Variants in PRKAG2 observed in about 807,000 individuals in gnomAD.
PRKAG2 encodes 5'-AMP-activated protein kinase subunit gamma-2.
In PRKAG2, 26 loss-of-function variants were observed where a neutral mutation model predicts 69.6. The ratio of observed to expected loss-of-function variants is 0.37; its 90% CI spans 0.27 to 0.52. The LOEUF is 0.52. Ranked by LOEUF, PRKAG2 falls within the 20% of genes least tolerant of loss-of-function variation. The pLI, the probability that PRKAG2 is intolerant of heterozygous loss-of-function variation, is 0.90. For synonymous variants in PRKAG2, 293 were observed against 285.0 expected (o/e 1.03, Z -0.28); for missense variants, 557 against 740.0 (o/e 0.75, Z 2.87).
chr7:151,718,613 A>AC (rs2151631973), intron 3 of PRKAG2, among the ~76,000 whole-genome samples: 1 of 85,204 alleles, frequency 1.2e-5, no homozygotes, highest in African/African-American at 1.1e-4. Context: ...CCCAGGATGC[A>AC]AAAAAAAAAA....
At chr7:151,818,482 C>T (rs1251019206) in intron 1 of PRKAG2, among the ~76,000 whole-genome samples, 3 of 152,256 alleles carry the variant, frequency 2.0e-5, no homozygotes, top group Non-Finnish European at 4.4e-5. Context: ...CCACTGCACC[C>T]CAGAACCCTG....
intron 1 of PRKAG2, among the ~76,000 whole-genome samples, chr7:151,845,801 A>G (rs537257412): frequency 6.6e-6 from 1 of 152,254 alleles, no homozygotes; most frequent in East Asian, 1.9e-4. Context: ...CTTCCCAAAC[A>G]CCAACGGCAA....
intron 2 of PRKAG2, among the ~76,000 whole-genome samples, chr7:151,785,609 C>T (rs1034106343): frequency 6.6e-6 from 1 of 152,204 alleles, no homozygotes; most frequent in African/African-American, 2.4e-5. Flanking sequence ...TGCCTTCATC[C>T]CAGGCTAGCC....
At chr7:151,693,716 C>T (rs977419087) in intron 3 of PRKAG2, among the ~76,000 whole-genome samples, 103 of 152,216 alleles carry the variant, frequency 6.8e-4, no homozygotes, top group African/African-American at 2.4e-3. Flanking sequence ...AGGGTGGTGC[C>T]CCATGCCCTT....
At chr7:151,705,184 C>T (rs1838378692) in intron 3 of PRKAG2, among the ~76,000 whole-genome samples, 1 of 152,160 alleles carries the variant, frequency 6.6e-6, no homozygotes, top group South Asian at 2.1e-4. Flanking sequence ...CTGAAACGTA[C>T]AGGATAAAAT....
chr7:151,619,518 G>A (rs1246435186), intron 5 of PRKAG2, among the ~76,000 whole-genome samples: 3 of 152,178 alleles, frequency 2.0e-5, no homozygotes, highest in African/African-American at 7.2e-5. Context: ...GTCCACAAGG[G>A]TGGCTGAGAC....
intron 5 of PRKAG2, among the ~76,000 whole-genome samples, chr7:151,621,809 A>C (rs1468744543): frequency 6.6e-6 from 1 of 152,134 alleles, no homozygotes; most frequent in Non-Finnish European, 1.5e-5. Flanking sequence ...TGCTGGGCTC[A>C]AGGGATCCTC....
intron 1 of PRKAG2, among the ~76,000 whole-genome samples, chr7:151,853,401 A>G (rs2079625190): frequency 6.6e-6 from 1 of 152,234 alleles, no homozygotes; most frequent in Non-Finnish European, 1.5e-5. Context: ...TCAGATGACA[A>G]TTTTGACAAT....
At chr7:151,654,581 A>G (rs917778711) in intron 4 of PRKAG2, among the ~76,000 whole-genome samples, 3 of 152,064 alleles carry the variant, frequency 2.0e-5, no homozygotes, top group Non-Finnish European at 4.4e-5. Context: ...CCTTTTTGTC[A>G]TTTTTCTCCT....
intron 3 of PRKAG2, among the ~76,000 whole-genome samples, chr7:151,745,269 C>T (rs2074202944): frequency 6.6e-6 from 1 of 152,210 alleles, no homozygotes; most frequent in Non-Finnish European, 1.5e-5. Flanking sequence ...CCCCTCCGCG[C>T]CGGGGAGCAG....
At chr7:151,669,705 G>A (rs1563384311) in intron 4 of PRKAG2, among the ~76,000 whole-genome samples, 1 of 139,632 alleles carries the variant, frequency 7.2e-6, no homozygotes, top group Admixed American at 7.6e-5. Context: ...TGCCACAGGC[G>A]CCTTATTGGA....
intron 1 of PRKAG2, among the ~76,000 whole-genome samples, chr7:151,821,665 G>GA (rs2078784540): frequency 6.6e-6 from 1 of 152,098 alleles, no homozygotes; most frequent in Admixed American, 6.6e-5. Context: ...TCCTCTCTAA[G>GA]ACACATTGGA....
intron 5 of PRKAG2, among the ~76,000 whole-genome samples, chr7:151,606,429 T>C (rs1025412988): frequency 6.6e-6 from 1 of 152,132 alleles, no homozygotes; most frequent in East Asian, 1.9e-4. Flanking sequence ...AAGAAATAAA[T>C]TGAAACAGAG....
intron 10 of PRKAG2, 37 bp from the exon 11 acceptor site, chr7:151,568,879 C>T (rs573815677): frequency 4.5e-5 from 72 of 1,611,206 alleles, no homozygotes; most frequent in East Asian, 4.0e-4. Flanking sequence ...AGGAGGCTTT[C>T]GAGAAAAATC....
chr7:151,851,187 T>C (rs1279773182), intron 1 of PRKAG2, among the ~76,000 whole-genome samples: 1 of 152,160 alleles, frequency 6.6e-6, no homozygotes, highest in Non-Finnish European at 1.5e-5. Flanking sequence ...GAGTTCAGCG[T>C]GGCTCTGACA....
chr7:151,818,894 G>A (rs921711693), intron 1 of PRKAG2, among the ~76,000 whole-genome samples: 1 of 152,238 alleles, frequency 6.6e-6, no homozygotes, highest in African/African-American at 2.4e-5. Context: ...TGAGGCCAGT[G>A]CCCTGTACTC....
At chr7:151,688,051 C>CCCCCCCCCT (rs1554539800) in intron 3 of PRKAG2, among the ~76,000 whole-genome samples, 2 of 145,850 alleles carry the variant, frequency 1.4e-5, no homozygotes, top group African/African-American at 5.0e-5. Flanking sequence ...GGCCCCCCCC[C>CCCCCCCCCT]GGGCTCCTTG....
Position 151,560,056 on chromosome 7 carries a change from G to T in PRKAG2, c.1678+468C>A. On this transcript the variant is annotated intron_variant, in intron 15 of 15. Coordinates refer to ENST00000287878, the MANE Select transcript of PRKAG2 (RefSeq NM_016203.4). ...CCACACTCTATCTGAAAGTGAATGT[G>T]ATTTCTGTACAATATTAATGAATAA... 8 of 985,140 alleles carry T rather than the reference G, an allele frequency of 8.1e-6. No homozygotes were observed. In the South Asian group the frequency reaches 3.8e-4, roughly 46 times the overall value. The allele number at this position is 985,140 out of a possible 1,614,324, so 61.0% of individuals were successfully genotyped here.
intron 3 of PRKAG2, among the ~76,000 whole-genome samples, chr7:151,774,879 C>A (rs972424791): frequency 7.2e-5 from 11 of 152,170 alleles, no homozygotes; most frequent in African/African-American, 2.7e-4. Flanking sequence ...ACCTGAGGAG[C>A]CTGTCAACAC....
Sources: gnomAD v4.1 joint callset for allele counts (sites outside exome capture counted in the v4.1 genomes callset) on GRCh38, gnomAD v4.1.1 for gene constraint, MANE v1.5 for transcripts, NCBI Gene and HGNC (gene_info 2026-07-23, HGNC 2026-07-21) for gene names.